MYO1B: variants seen among roughly 807,000 people sequenced by gnomAD.
MYO1B encodes unconventional myosin-Ib.
A neutral mutation model predicts 159.7 loss-of-function variants in MYO1B; 72 were observed. The ratio of observed to expected loss-of-function variants is 0.45; its 90% CI spans 0.37 to 0.55. MYO1B has a LOEUF of 0.55. Among genes scored for constraint, MYO1B ranks in the 20% least tolerant of loss-of-function variants. MYO1B has a pLI of 0.00. For missense variants in MYO1B, 1,062 were observed against 1,364.8 expected (o/e 0.78, Z 3.50); for synonymous variants, 468 against 473.8 (o/e 0.99, Z 0.16).
chr2:191,284,413 C>G (rs905284992), intron 2 of MYO1B, among the ~76,000 whole-genome samples: 9 of 152,098 alleles, frequency 5.9e-5, no homozygotes, highest in African/African-American at 2.2e-4. Context: ...CCTGTTTGAA[C>G]CTTGGTGACT....
At chr2:191,284,833 C>T (rs1688270939) in intron 2 of MYO1B, among the ~76,000 whole-genome samples, 1 of 152,104 alleles carries the variant, frequency 6.6e-6, no homozygotes, top group African/African-American at 2.4e-5. Flanking sequence ...AGCGTTTCAC[C>T]ATTTTGGCCA....
rs1348022999 is a variant in MYO1B at position 191,414,665 on chromosome 2, A to G, written c.3155A>G (p.Lys1052Arg). The stretch of plus-strand genomic sequence containing the variant: ...GATGGCTTCTTCGCCGTCCACCTCA[A>G]AGAGGTAAAGGTTCAACAGAAGATT... ...QNDGFFAVHLKEGSEAASKGD... is the reference protein window; with the variant it reads ...QNDGFFAVHLREGSEAASKGD... The change falls in exon 29 of 31, where the codon AAA becomes AGA. Residue 1052 changes from lysine to arginine, a missense_variant. Around this residue, in one of 5 missense-constraint regions of MYO1B, gnomAD observed 609 missense variants for 744.4 expected, o/e 0.82. Transcript: ENST00000392318. 13 of 1,608,958 alleles carry G rather than the reference A, an allele frequency of 8.1e-6. No homozygotes were observed. The highest frequency in any genetic ancestry group is 9.3e-6 in the Non-Finnish European group (11 of 1,178,458).
At chr2:191,350,301 A>G (rs1692829531) in intron 7 of MYO1B, 76 bp downstream of exon 7, 3 of 1,107,240 alleles carry the variant, frequency 2.7e-6, no homozygotes, top group Non-Finnish European at 4.0e-6. Context: ...TAGTTTAGAT[A>G]CTTGTGTCTT....
intron 4 of MYO1B, 140 bp downstream of exon 4, chr2:191,330,169 G>A (rs1691374559): frequency 1.6e-6 from 1 of 618,922 alleles, no homozygotes; most frequent in Admixed American, 2.9e-5. Flanking sequence ...TACTGGTTAG[G>A]AACACAGAAT....
At chr2:191,275,155 C>T (rs2125735281) in intron 1 of MYO1B, among the ~76,000 whole-genome samples, 1 of 152,278 alleles carries the variant, frequency 6.6e-6, no homozygotes, top group East Asian at 1.9e-4. Context: ...CCACCTGCCT[C>T]AGCCTCCCAA....
At chr2:191,281,321 G>C (rs1688045920) in intron 2 of MYO1B, among the ~76,000 whole-genome samples, 1 of 152,182 alleles carries the variant, frequency 6.6e-6, no homozygotes, top group African/African-American at 2.4e-5. Flanking sequence ...GATCAGGTGA[G>C]ATGAGATGGG....
chr2:191,413,425 A>G (rs1697371019), intron 27 of MYO1B, among the ~76,000 whole-genome samples: 1 of 152,180 alleles, frequency 6.6e-6, no homozygotes, highest in Admixed American at 6.5e-5. Flanking sequence ...CACCACTGTA[A>G]AGCTGAAAAA....
At position 191,245,554 on chromosome 2, in the gene MYO1B, G is replaced by A. The variant is rs991327467; in HGVS notation, c.-82G>A. 4.6e-5 allele frequency: 7 copies of A among 152,144 alleles called. No homozygotes were observed. The highest frequency in any genetic ancestry group is 3.9e-4 in the Admixed American group (6 of 15,280). The allele number at this position is 152,144 out of a possible 1,614,324, so 9.4% of individuals were successfully genotyped here. ...CCCCGCAGCCCCGGGCTGGGCCCGC[G>A]TCCCGGAGCGCCACCGGAGAGCGAG... is the stretch of plus-strand genomic sequence containing the variant. On this transcript the variant is annotated 5_prime_UTR_variant, in exon 1 of 31. Coordinates refer to ENST00000392318, the MANE Select transcript of MYO1B (RefSeq NM_001130158.3).
chr2:191,276,455 A>G (rs1357548239), intron 1 of MYO1B, among the ~76,000 whole-genome samples: 9 of 152,234 alleles, frequency 5.9e-5, no homozygotes, highest in Admixed American at 3.3e-4. Context: ...GATATGTGGC[A>G]AGTAAACAAC....
intron 3 of MYO1B, among the ~76,000 whole-genome samples, chr2:191,321,959 A>G (rs763945215): frequency 6.6e-6 from 1 of 152,120 alleles, no homozygotes; most frequent in Admixed American, 6.6e-5. Flanking sequence ...GCTCTTCTGG[A>G]TGACCTCACC....
At position 191,386,103 on chromosome 2, in the gene MYO1B, C is replaced by T. The variant is rs1215352178; in HGVS notation, c.1554+19C>T. The T allele has an allele frequency of 6.2e-7, 1 of 1,612,528 alleles. No homozygotes were observed. The highest frequency in any genetic ancestry group is 8.5e-7 in the Non-Finnish European group (1 of 1,179,078). ...TGGAAAGGTATGGGGGAGCTGTGAG[C>T]ACCCAGTCAGGCCTGCCAAGTTACC... On this transcript the variant is annotated intron_variant, in intron 16 of 30. Transcript: ENST00000392318.
At chr2:191,296,054 C>T (rs147823277) in intron 2 of MYO1B, 57 bp from the exon 3 acceptor site, 158 of 996,672 alleles carry the variant, frequency 1.6e-4, no homozygotes, top group East Asian at 8.4e-4. Context: ...AAGCTTAAGA[C>T]GTTAAAATAC....
intron 1 of MYO1B, among the ~76,000 whole-genome samples, chr2:191,260,407 A>G (rs1388055964): frequency 6.6e-6 from 1 of 151,834 alleles, no homozygotes; most frequent in Non-Finnish European, 1.5e-5. Context: ...TCTGGTGTGT[A>G]TATGTTTACA....
At chr2:191,346,112 G>T in intron 5 of MYO1B, 124 bp from the exon 6 acceptor site, 1 of 783,124 alleles carries the variant, frequency 1.3e-6, no homozygotes, top group Non-Finnish European at 2.0e-6. Flanking sequence ...GTTTTGGACA[G>T]AAATATCATT....
chr2:191,419,010 G>A (rs1007111899), intron 30 of MYO1B, among the ~76,000 whole-genome samples: 6 of 152,166 alleles, frequency 3.9e-5, no homozygotes, highest in African/African-American at 1.4e-4. Flanking sequence ...CCCTAAGATT[G>A]TAATGGAGCT....
intron 3 of MYO1B, among the ~76,000 whole-genome samples, chr2:191,299,012 T>C (rs1448237553): frequency 6.6e-6 from 1 of 152,218 alleles, no homozygotes. Flanking sequence ...TGCCTCAGTT[T>C]ACCCCCAGCA....
intron 24 of MYO1B, among the ~76,000 whole-genome samples, chr2:191,403,010 G>T (rs1476434905): frequency 6.6e-6 from 1 of 152,072 alleles, no homozygotes; most frequent in Non-Finnish European, 1.5e-5. Flanking sequence ...GTGTAAAGTT[G>T]TTTTTTTAAA....
In MYO1B at chr2:191,383,473, T is replaced by TATATATACAC. The variant is rs1170563038; in HGVS notation, c.1353+132_1353+133insTATATACACA. On this transcript the variant is annotated intron_variant, in intron 15 of 30. Transcript: ENST00000392318. The stretch of plus-strand genomic sequence containing the variant: ...TTATATATATATATATATATATATA[T>TATATATACAC]ACACACACACATATATATGTGTATA... The TATATATACAC allele has an allele frequency of 5.6e-3, 676 of 119,860 alleles. 19 individuals carry two copies. Among genetic ancestry groups the TATATATACAC allele is most frequent in the African/African-American group, 0.024 (629 of 26,040 alleles). The allele number at this position is 119,860 out of a possible 1,614,324, so 7.4% of individuals were successfully genotyped here. A position where few individuals can be genotyped will look rare whatever the true frequency, so the allele number is the denominator to read the frequency against.
intron 30 of MYO1B, chr2:191,416,492 A>C (rs1697573801): frequency 4.3e-6 from 2 of 467,368 alleles, no homozygotes; most frequent in Non-Finnish European, 7.6e-6. Flanking sequence ...TTGGCTAACA[A>C]GTGTTTATGG....
Sources: gnomAD v4.1 joint callset for allele counts (sites outside exome capture counted in the v4.1 genomes callset) on GRCh38, gnomAD v4.1.1 for gene constraint, gnomAD v4.1.1 regional missense constraint, MANE v1.5 for transcripts, NCBI Gene and HGNC (gene_info 2026-07-23, HGNC 2026-07-21) for gene names.